Variants in AFAP1L2 observed in about 807,000 individuals in gnomAD.
AFAP1L2 encodes actin filament associated protein 1 like 2.
A neutral mutation model predicts 99.3 loss-of-function variants in AFAP1L2; 46 were observed. The ratio of observed to expected loss-of-function variants is 0.46; its 90% CI spans 0.37 to 0.59. AFAP1L2 has a LOEUF of 0.59. AFAP1L2 is among the 20% of genes least tolerant of loss of function. AFAP1L2 has a pLI of 0.00. For missense variants in AFAP1L2, 959 were observed against 1,034.9 expected (o/e 0.93, Z 1.01); for synonymous variants, 397 against 419.1 (o/e 0.95, Z 0.64).
intron 4 of AFAP1L2, among the ~76,000 whole-genome samples, chr10:114,324,075 G>T (rs2045822550): frequency 6.6e-6 from 1 of 152,202 alleles, no homozygotes; most frequent in Non-Finnish European, 1.5e-5. Context: ...TGAAATCATT[G>T]TGTTCCTCCC....
At chr10:114,308,386 G>T in intron 9 of AFAP1L2, 47 bp downstream of exon 9, 2 of 1,557,476 alleles carry the variant, frequency 1.3e-6, no homozygotes, top group Non-Finnish European at 1.8e-6. Context: ...TGACAGCCCA[G>T]CCTCACAGCC....
chr10:114,364,423 C>T (rs190417426), intron 1 of AFAP1L2, among the ~76,000 whole-genome samples: 9 of 152,346 alleles, frequency 5.9e-5, no homozygotes, highest in Admixed American at 5.2e-4. Context: ...TTACTTGGCT[C>T]TGCCTGGTCC....
intron 1 of AFAP1L2, among the ~76,000 whole-genome samples, chr10:114,394,091 T>C (rs1373979500): frequency 1.3e-5 from 2 of 152,158 alleles, no homozygotes; most frequent in Non-Finnish European, 2.9e-5. Context: ...AGAGTACGTG[T>C]GCCCTTTCCT....
At chr10:114,344,826 G>A (rs1227243847) in intron 1 of AFAP1L2, among the ~76,000 whole-genome samples, 1 of 152,250 alleles carries the variant, frequency 6.6e-6, no homozygotes, top group Non-Finnish European at 1.5e-5. Context: ...GCTGGGCACA[G>A]TGGCTCACGT....
Position 114,404,476 on chromosome 10 carries a change from C to T in AFAP1L2, c.-21G>A. ...TCCATCGGGGCCACGGAGTGCGCTC[C>T]TCGCGGCTCGGCTTCTGCGCTGCTC... On this transcript the variant is annotated 5_prime_UTR_variant, in exon 1 of 19. Coordinates refer to ENST00000304129, the MANE Select transcript of AFAP1L2 (RefSeq NM_001001936.3). 1 of 1,536,404 alleles carries T rather than the reference C, an allele frequency of 6.5e-7. No individual in the cohort carries two copies. The highest frequency in any genetic ancestry group is 1.2e-5 in the South Asian group (1 of 83,704).
chr10:114,377,844 G>A lies in AFAP1L2; in HGVS notation c.16+26596C>T, dbSNP rs1292533466. On this transcript the variant is annotated intron_variant, in intron 1 of 18. Coordinates refer to ENST00000304129, the MANE Select transcript of AFAP1L2 (RefSeq NM_001001936.3). This position sits in a 1 kb window ranked among gnomAD's most constrained non-coding sequence, Gnocchi z 4.0. ...CACATAGTTGGTTCCATTTCCAAGG[G>A]AGACTGAAGTCCTCCATATGTCTGA... Among the ~76,000 whole-genome samples the A allele has an allele frequency of 2.0e-5, 3 of 152,186 alleles. No individual in the cohort carries two copies. The highest frequency in any genetic ancestry group is 7.2e-5 in the African/African-American group (3 of 41,434).
chr10:114,311,467 T>G (rs1482227813), intron 7 of AFAP1L2, among the ~76,000 whole-genome samples: 1 of 152,226 alleles, frequency 6.6e-6, no homozygotes, highest in Non-Finnish European at 1.5e-5. Context: ...TGGTCCACAC[T>G]GAATATGCAA....
At chr10:114,399,002 T>A in intron 1 of AFAP1L2, 2 of 1,065,376 alleles carry the variant, frequency 1.9e-6, no homozygotes, top group Non-Finnish European at 2.6e-6. Context: ...AGATTTTGCT[T>A]CATTTCTTTT....
At chr10:114,317,978 G>A (rs938946427) in intron 5 of AFAP1L2, among the ~76,000 whole-genome samples, 22 of 152,224 alleles carry the variant, frequency 1.4e-4, no homozygotes, top group African/African-American at 5.3e-4. Flanking sequence ...ACTTAGTCAT[G>A]TCCATGCAAC....
the AFAP1L2 span, chr10:114,288,913 GA>G: frequency 1.3e-6 from 2 of 1,580,136 alleles, no homozygotes; most frequent in Non-Finnish European, 1.7e-6. Context: ...ATCCACTGCT[GA>G]AGCCCCTCTG....
At chr10:114,402,228 C>T (rs560728834) in intron 1 of AFAP1L2, among the ~76,000 whole-genome samples, 3 of 152,108 alleles carry the variant, frequency 2.0e-5, no homozygotes, top group African/African-American at 2.4e-5. Context: ...AAGAGACTAC[C>T]GATTCTAGTC....
Position 114,304,845 on chromosome 10 carries a change from C to T in AFAP1L2, c.1158G>A (p.Arg386=). Residue 386 remains arginine (R), a synonymous_variant, in exon 11 of 19, where the codon CGG becomes CGA. Transcript: ENST00000304129. ...GTTGCTGGGCCACCTTGCTCCGGTT[C>T]CGGTCCTGGTAGAAGTGCAGGTGAT... ...RDNHLHFYQD[R]NRSKVAQQPL... is the part of the protein sequence containing the mutation. 6.2e-7 allele frequency: 1 copy of T among 1,613,518 alleles called. No individual in the cohort carries two copies. The highest frequency in any genetic ancestry group is 1.1e-5 in the South Asian group (1 of 91,082).
rs374605165 is a variant in AFAP1L2 at position 114,297,338 on chromosome 10, C to T, written c.2189G>A (p.Arg730His). 88 of 1,613,754 alleles carry T rather than the reference C, an allele frequency of 5.5e-5. No individual in the cohort carries two copies. The highest frequency in any genetic ancestry group is 7.7e-5 in the South Asian group (7 of 91,074). ...CATGATGCTGAGCTCCAGGTCCACGCGCCTGCTCTCCTCGCCCCGGCACTC... is the reference window on the plus strand; with the variant it reads ...CATGATGCTGAGCTCCAGGTCCACGTGCCTGCTCTCCTCGCCCCGGCACTC... ...DEECRGEESRRVDLELSIMEV... is the reference protein window; with the variant it reads ...DEECRGEESRHVDLELSIMEV... The change falls in exon 17 of 19, where the codon CGC becomes CAC. Residue 730 changes from arginine (R) to histidine (H), a missense_variant. Around this residue, in one of 2 missense-constraint regions of AFAP1L2, gnomAD observed 576 missense variants for 562.1 expected, o/e 1.02. Coordinates refer to ENST00000304129, the MANE Select transcript of AFAP1L2 (RefSeq NM_001001936.3).
chr10:114,324,162 A>G (rs1232879892), intron 4 of AFAP1L2, among the ~76,000 whole-genome samples: 2 of 152,194 alleles, frequency 1.3e-5, no homozygotes, highest in African/African-American at 4.8e-5. Flanking sequence ...ACCATGGGGG[A>G]GAAAAAGAGG....
chr10:114,355,394 G>T (rs952057509), intron 1 of AFAP1L2, among the ~76,000 whole-genome samples: 1 of 151,768 alleles, frequency 6.6e-6, no homozygotes, highest in Non-Finnish European at 1.5e-5. Context: ...CACCACGCCC[G>T]GCTCTCCTCT....
At position 114,387,466 on chromosome 10, in the gene AFAP1L2, A is replaced by G. The variant is rs1027660818; in HGVS notation, c.16+16974T>C. On this transcript the variant is annotated intron_variant, in intron 1 of 18. Coordinates refer to ENST00000304129, the MANE Select transcript of AFAP1L2 (RefSeq NM_001001936.3). ...TAAAAGCAAAGGCTGTAGGCATCAGAAATAAACATGGCAGACCCATGGCAC... is the reference window on the plus strand; with the variant it reads ...TAAAAGCAAAGGCTGTAGGCATCAGGAATAAACATGGCAGACCCATGGCAC... 1.4e-4 allele frequency among the ~76,000 whole-genome samples: 22 copies of G among 152,320 alleles called. No homozygotes were observed. The East Asian group carries it at 4.2e-3, about 29-fold the overall frequency.
At chr10:114,301,263 G>C in intron 13 of AFAP1L2, 91 bp downstream of exon 13, 1 of 1,081,548 alleles carries the variant, frequency 9.2e-7, no homozygotes, top group South Asian at 1.3e-5. Flanking sequence ...CTCATCTCAG[G>C]GATACTCTAA....
the AFAP1L2 span, among the ~76,000 whole-genome samples, chr10:114,282,305 A>C: frequency 2.0e-4 from 30 of 151,890 alleles, no homozygotes; most frequent in African/African-American, 6.8e-4. Flanking sequence ...CTCCCAGCCT[A>C]TTTTTTTTAA....
chr10:114,402,054 A>C (rs1393317033), intron 1 of AFAP1L2, among the ~76,000 whole-genome samples: 3 of 152,252 alleles, frequency 2.0e-5, no homozygotes, highest in Non-Finnish European at 4.4e-5. Context: ...AGTGTCACAC[A>C]CAATAAGAAT....
Sources: gnomAD v4.1 joint callset for allele counts (sites outside exome capture counted in the v4.1 genomes callset) on GRCh38, gnomAD v4.1.1 for gene constraint, gnomAD v4.1.1 regional missense constraint, Gnocchi (gnomAD v3.1) non-coding constraint, MANE v1.5 for transcripts, NCBI Gene and HGNC (gene_info 2026-07-23, HGNC 2026-07-21) for gene names.